Variants in GNAQ observed in about 807,000 individuals in gnomAD.
GNAQ encodes G protein subunit alpha q, also known as guanine nucleotide-binding protein G(q) subunit alpha.
A neutral mutation model predicts 43.9 loss-of-function variants in GNAQ; 8 were observed. The observed-to-expected ratio is 0.18, with a 90% CI of 0.11 to 0.33. GNAQ has a LOEUF of 0.33. GNAQ is among the 10% of genes least tolerant of loss of function. The pLI, the probability that GNAQ is intolerant of heterozygous loss-of-function variation, is 1.00. For synonymous variants in GNAQ, 155 were observed against 170.7 expected, an observed-to-expected ratio of 0.91 and a Z score of 0.71; for missense variants, 158 against 450.8, an observed-to-expected ratio of 0.35 and a Z score of 5.88.
chr9:77,770,702 G>A (rs1826210435), intron 5 of GNAQ, among the ~76,000 whole-genome samples: 1 of 152,148 alleles, frequency 6.6e-6, no homozygotes, highest in African/African-American at 2.4e-5. Flanking sequence ...AAGAACTCGG[G>A]CAAGAACTTG....
At chr9:77,907,797 T>C (rs1828735019) in intron 2 of GNAQ, among the ~76,000 whole-genome samples, 1 of 152,186 alleles carries the variant, frequency 6.6e-6, no homozygotes, top group Non-Finnish European at 1.5e-5. Flanking sequence ...GTCAGGCCCT[T>C]TGCTAGGTCC....
intron 2 of GNAQ, among the ~76,000 whole-genome samples, chr9:77,864,168 CTTT>C (rs113840423): frequency 3.8e-5 from 5 of 131,376 alleles, no homozygotes; most frequent in Admixed American, 7.8e-5. Context: ...AGGTGCCAGG[CTTT>C]TTTTTTTTTT....
chr9:77,860,430 T>C (rs879804945), intron 2 of GNAQ, among the ~76,000 whole-genome samples: 2 of 152,206 alleles, frequency 1.3e-5, no homozygotes, highest in African/African-American at 4.8e-5. Context: ...ATTCTGTTGC[T>C]ATAAAGACTG....
At chr9:77,740,849 AG>A (rs1268364879) in intron 5 of GNAQ, among the ~76,000 whole-genome samples, 1 of 152,240 alleles carries the variant, frequency 6.6e-6, no homozygotes, top group Non-Finnish European at 1.5e-5. Flanking sequence ...AGTGTGTAAA[AG>A]GCACTGGCAA....
intron 3 of GNAQ, among the ~76,000 whole-genome samples, chr9:77,799,313 T>C (rs1004161042): frequency 6.6e-6 from 1 of 152,146 alleles, no homozygotes; most frequent in African/African-American, 2.4e-5. Context: ...AAACAAGAGG[T>C]GAGTTCTAAG....
chr9:77,810,597 G>GA (rs1488367514), intron 3 of GNAQ, among the ~76,000 whole-genome samples: 1 of 152,074 alleles, frequency 6.6e-6, no homozygotes, highest in African/African-American at 2.4e-5. Context: ...ACAACAGCAG[G>GA]AAAAAAGACT....
intron 5 of GNAQ, among the ~76,000 whole-genome samples, chr9:77,741,408 C>T (rs574380969): frequency 6.6e-6 from 1 of 152,276 alleles, no homozygotes; most frequent in East Asian, 1.9e-4. Context: ...TAAGGTCTCC[C>T]CCGATAAATC....
At chr9:77,950,760 A>G (rs1216486933) in intron 1 of GNAQ, among the ~76,000 whole-genome samples, 4 of 152,158 alleles carry the variant, frequency 2.6e-5, no homozygotes, top group African/African-American at 9.7e-5. Context: ...AATCACTACA[A>G]TGTTCTCATG....
At chr9:77,761,964 G>A (rs1236923932) in intron 5 of GNAQ, among the ~76,000 whole-genome samples, 7 of 130,430 alleles carry the variant, frequency 5.4e-5, no homozygotes, top group South Asian at 2.5e-4. Context: ...TCAGCCCCCC[G>A]CCCGGCCAGC....
At chr9:77,733,450 T>G (rs1459228040) in intron 5 of GNAQ, among the ~76,000 whole-genome samples, 4 of 152,226 alleles carry the variant, frequency 2.6e-5, no homozygotes, top group Admixed American at 2.6e-4. Context: ...AATGGTCTTT[T>G]TTCCTGATAA....
intron 2 of GNAQ, among the ~76,000 whole-genome samples, chr9:77,832,835 C>CA (rs1827322150): frequency 6.6e-6 from 1 of 152,194 alleles, no homozygotes; most frequent in South Asian, 2.1e-4. Context: ...GGGGGAGCTA[C>CA]ACCCCCAGCT....
At chr9:77,830,117 T>TA (rs1827273587) in intron 2 of GNAQ, among the ~76,000 whole-genome samples, 1 of 152,140 alleles carries the variant, frequency 6.6e-6, no homozygotes, top group African/African-American at 2.4e-5. Flanking sequence ...CATGGCTGAC[T>TA]AATTTCTGAA....
At chr9:78,003,638 A>G (rs992574482) in intron 1 of GNAQ, among the ~76,000 whole-genome samples, 1 of 152,124 alleles carries the variant, frequency 6.6e-6, no homozygotes, top group African/African-American at 2.4e-5. Flanking sequence ...AACATGGCGA[A>G]ACCCCTTGTT....
rs1824057690 is a variant in GNAQ, at chr9:78,031,363, G to C, written c.-128C>G. The C allele has an allele frequency of 4.7e-6, 3 of 632,506 alleles. No homozygotes were observed. In the East Asian group the frequency reaches 1.3e-4, roughly 28 times the overall value. The allele number at this position is 632,506 out of a possible 1,614,324, so 39.2% of individuals were successfully genotyped here. A position where few individuals can be genotyped will look rare whatever the true frequency, so the allele number is the denominator to read the frequency against. On this transcript the variant is annotated 5_prime_UTR_variant, in exon 1 of 7. Transcript: ENST00000286548. ...GCCCCCGCCGCCCGGGCGCGCGTCC[G>C]GGACGAGCTCCGGGAACCGCCGCGG...
chr9:77,922,585 G>A (rs1302708548), intron 1 of GNAQ, among the ~76,000 whole-genome samples: 2 of 152,106 alleles, frequency 1.3e-5, no homozygotes, highest in African/African-American at 4.8e-5. Flanking sequence ...CACCTCCTTG[G>A]AAACCACTCA....
intron 2 of GNAQ, among the ~76,000 whole-genome samples, chr9:77,834,217 T>C (rs1250240153): frequency 2.6e-5 from 4 of 152,226 alleles, no homozygotes; most frequent in Admixed American, 6.5e-5. Flanking sequence ...TGGGCTTTGA[T>C]GGAGGGAGCT....
chr9:77,920,462 A>T (rs1323855933), intron 2 of GNAQ, among the ~76,000 whole-genome samples: 1 of 152,206 alleles, frequency 6.6e-6, no homozygotes, highest in Non-Finnish European at 1.5e-5. Flanking sequence ...TCATCATATT[A>T]TTAACTGACC....
intron 1 of GNAQ, among the ~76,000 whole-genome samples, chr9:78,023,375 G>C (rs541837600): frequency 1.3e-5 from 2 of 152,108 alleles, no homozygotes; most frequent in African/African-American, 4.8e-5. Context: ...TAAATCGTAT[G>C]CAAATGTGCA....
chr9:77,724,721 A>G (rs1023090813), intron 6 of GNAQ, among the ~76,000 whole-genome samples: 3 of 152,208 alleles, frequency 2.0e-5, no homozygotes, highest in Admixed American at 2.0e-4. Context: ...ATAAAAACAA[A>G]TAGACTATCC....
Sources: allele counts gnomAD v4.1 joint callset (sites outside exome capture counted in the v4.1 genomes callset), GRCh38; gene constraint gnomAD v4.1.1; transcripts MANE v1.5; gene names NCBI Gene and HGNC (gene_info 2026-07-23, HGNC 2026-07-21).